The following DOCK5 variants were observed in gnomAD, a reference collection of about 807,000 sequenced individuals.
DOCK5 encodes dedicator of cytokinesis 5, also known as dedicator of cytokinesis protein 5.
A neutral mutation model predicts 251.8 loss-of-function variants in DOCK5; 142 were observed. The observed-to-expected ratio is 0.56, with a 90% CI of 0.49 to 0.65. The LOEUF (loss-of-function observed/expected upper bound fraction) is 0.65, where lower values mean the gene tolerates loss of function less well. Ranked by LOEUF, DOCK5 falls within the 30% of genes least tolerant of loss-of-function variation. DOCK5 has a pLI of 0.00. For synonymous variants in DOCK5, 842 were observed against 835.5 expected, an observed-to-expected ratio of 1.01 and a Z score of -0.13; for missense variants, 2,111 against 2,312.3, an observed-to-expected ratio of 0.91 and a Z score of 1.79.
chr8:25,196,752 G>C (rs147321463), intron 1 of DOCK5, among the ~76,000 whole-genome samples: 122 of 152,272 alleles, frequency 8.0e-4, no homozygotes, highest in Non-Finnish European at 1.5e-3. Context: ...ATTGCCAGCA[G>C]TATTCAATGC....
chr8:25,310,296 A>G, intron 12 of DOCK5, 111 bp from the exon 13 acceptor site: 1 of 1,121,656 alleles, frequency 8.9e-7, no homozygotes, highest in Non-Finnish European at 1.2e-6. Context: ...GAGAATTTAC[A>G]TCTTTACAGT....
intron 35 of DOCK5, 47 bp from the exon 36 acceptor site, chr8:25,373,571 G>A (rs372810037): frequency 6.5e-7 from 1 of 1,540,584 alleles, no homozygotes; most frequent in African/African-American, 1.4e-5. Flanking sequence ...TGTGTCAATA[G>A]CTCTTGATTT....
At chr8:25,365,716 G>C (rs562340746) in intron 30 of DOCK5, among the ~76,000 whole-genome samples, 1 of 152,304 alleles carries the variant, frequency 6.6e-6, no homozygotes, top group East Asian at 1.9e-4. Flanking sequence ...AGAGTGCAAA[G>C]GGGTAGCCTC....
intron 27 of DOCK5, among the ~76,000 whole-genome samples, chr8:25,354,046 AAAC>A (rs1190177597): frequency 1.4e-4 from 4 of 28,520 alleles, no homozygotes; most frequent in East Asian, 7.3e-4. Context: ...AAAAAAAAAA[AAAC>A]AAACAAAAAA....
intron 1 of DOCK5, among the ~76,000 whole-genome samples, chr8:25,225,567 G>A (rs1240527991): frequency 2.6e-5 from 4 of 152,046 alleles, no homozygotes; most frequent in Admixed American, 2.6e-4. Context: ...TTAGCCGGGC[G>A]TGGTGGTGGG....
intron 5 of DOCK5, among the ~76,000 whole-genome samples, chr8:25,288,419 T>A (rs1586297400): frequency 6.6e-6 from 1 of 152,218 alleles, no homozygotes; most frequent in Non-Finnish European, 1.5e-5. Flanking sequence ...CAGAGAAGAA[T>A]GACTGTCTTC....
intron 27 of DOCK5, among the ~76,000 whole-genome samples, chr8:25,358,320 A>T (rs1800614430): frequency 6.6e-6 from 1 of 152,096 alleles, no homozygotes; most frequent in Admixed American, 6.6e-5. Context: ...CCCTTGTAAA[A>T]CCATCAGATC....
chr8:25,222,080 A>G (rs964085603), intron 1 of DOCK5, among the ~76,000 whole-genome samples: 5 of 152,032 alleles, frequency 3.3e-5, no homozygotes, highest in Non-Finnish European at 5.9e-5. Context: ...GCTGTTTAGG[A>G]CACTCTGTTT....
chr8:25,378,297 T>C (rs964634527), intron 38 of DOCK5, among the ~76,000 whole-genome samples: 2 of 152,174 alleles, frequency 1.3e-5, no homozygotes, highest in African/African-American at 2.4e-5. Flanking sequence ...GACACTCTTA[T>C]TATTTGAGAA....
chr8:25,358,397 C>T (rs775882654), intron 27 of DOCK5, among the ~76,000 whole-genome samples: 5 of 152,186 alleles, frequency 3.3e-5, no homozygotes, highest in Non-Finnish European at 7.4e-5. Flanking sequence ...TAAATTACCT[C>T]CCACTGGGCC....
chr8:25,226,775 C>T (rs1171514246), intron 1 of DOCK5, among the ~76,000 whole-genome samples: 6 of 151,874 alleles, frequency 4.0e-5, no homozygotes, highest in East Asian at 3.9e-4. Context: ...TTAGTAGAAA[C>T]GGGGTTTCAC....
chr8:25,222,414 C>T (rs1802414931), intron 1 of DOCK5, among the ~76,000 whole-genome samples: 3 of 152,074 alleles, frequency 2.0e-5, no homozygotes, highest in African/African-American at 7.2e-5. Context: ...TATGAGAGCT[C>T]TCCTAGGAGT....
intron 33 of DOCK5, among the ~76,000 whole-genome samples, chr8:25,369,238 TTA>T (rs1800831589): frequency 6.6e-6 from 1 of 152,232 alleles, no homozygotes; most frequent in Non-Finnish European, 1.5e-5. Context: ...CTGCAGAGAC[TTA>T]GACATGAAAC....
At chr8:25,341,188 A>G (rs919624435) in intron 23 of DOCK5, among the ~76,000 whole-genome samples, 200 bp downstream of exon 23, 12 of 152,200 alleles carry the variant, frequency 7.9e-5, no homozygotes, top group South Asian at 6.2e-4. Flanking sequence ...TCAAGTGTCA[A>G]CTTGCCAAAG....
chr8:25,411,068 G>A, intron 51 of DOCK5, 126 bp from the exon 52 acceptor site: 1 of 1,247,546 alleles, frequency 8.0e-7, no homozygotes, highest in Non-Finnish European at 1.1e-6. Context: ...ATTTCACTTT[G>A]CAAAGCCTGT....
chr8:25,400,048 A>G (rs755025573), intron 46 of DOCK5, 54 bp downstream of exon 46: 249 of 1,433,608 alleles, frequency 1.7e-4, no homozygotes, highest in Non-Finnish European at 2.1e-4. Context: ...TGGGACACCC[A>G]TTATTCTCCA....
At chr8:25,352,390 C>T (rs1437369256) in intron 27 of DOCK5, among the ~76,000 whole-genome samples, 4 of 152,004 alleles carry the variant, frequency 2.6e-5, no homozygotes, top group Admixed American at 1.3e-4. Context: ...TTTTAAAGAA[C>T]CTGTGGTTAG....
chr8:25,377,464 A>G, intron 38 of DOCK5, 40 bp downstream of exon 38: 1 of 1,599,434 alleles, frequency 6.3e-7, no homozygotes, highest in East Asian at 2.2e-5. Context: ...GAAAGAGGAA[A>G]ATGACCGCAG....
At chr8:25,403,121 C>T (rs1461537715) in intron 47 of DOCK5, among the ~76,000 whole-genome samples, 1 of 152,158 alleles carries the variant, frequency 6.6e-6, no homozygotes, top group Non-Finnish European at 1.5e-5. Context: ...TTCTAGAGAA[C>T]ATAGGATTCA....
Sources: allele counts gnomAD v4.1 joint callset (sites outside exome capture counted in the v4.1 genomes callset), GRCh38; gene constraint gnomAD v4.1.1; transcripts MANE v1.5; gene names NCBI Gene and HGNC (gene_info 2026-07-23, HGNC 2026-07-21).